The following NEGR1 variants were observed in gnomAD, a reference collection of about 807,000 sequenced individuals.
The protein encoded by NEGR1 is IgLON family member 4.
Under a neutral mutation model 40.9 loss-of-function variants are expected in NEGR1, and 10 were observed. That is an observed-to-expected ratio of 0.24 (90% CI 0.15 to 0.42). The LOEUF (loss-of-function observed/expected upper bound fraction) is 0.42. Among genes scored for constraint, NEGR1 ranks in the 10% least tolerant of loss-of-function variants. NEGR1 has a pLI of 1.00. For synonymous variants in NEGR1, 185 were observed against 166.8 expected (o/e 1.11, Z -0.84); for missense variants, 352 against 438.9 (o/e 0.80, Z 1.77).
At chr1:71,693,161 T>C (rs1191038006) in intron 4 of NEGR1, among the ~76,000 whole-genome samples, 3 of 151,764 alleles carry the variant, frequency 2.0e-5, no homozygotes, top group Non-Finnish European at 4.4e-5. Context: ...TGCTTCTCTC[T>C]GAGTAAAAAC....
At chr1:71,577,581 T>C (rs1169598235) in intron 6 of NEGR1, among the ~76,000 whole-genome samples, 2 of 152,212 alleles carry the variant, frequency 1.3e-5, no homozygotes, top group African/African-American at 2.4e-5. Flanking sequence ...TTAATCTAGC[T>C]ATATACATGC....
In NEGR1 at chr1:72,102,272, C is replaced by G. The variant is rs138225862; in HGVS notation, c.177-166961G>C. 1.9e-3 allele frequency among the ~76,000 whole-genome samples: 291 copies of G among 151,978 alleles called. 5 individuals are homozygous for G. The highest frequency in any genetic ancestry group is 6.6e-3 in the African/African-American group (274 of 41,486). On this transcript the variant is annotated intron_variant, in intron 1 of 6. Transcript: ENST00000357731. Reference sequence around the variant, plus strand: ...TTAAATGATATAGCTGGTATTTTATCCAACCCCCCCATAATTCAATTATAC... The same window carrying G: ...TTAAATGATATAGCTGGTATTTTATGCAACCCCCCCATAATTCAATTATAC...
At chr1:71,669,090 A>G (rs184372238) in intron 4 of NEGR1, among the ~76,000 whole-genome samples, 43 of 152,300 alleles carry the variant, frequency 2.8e-4, no homozygotes, top group African/African-American at 9.9e-4. Flanking sequence ...GTAGATTTAG[A>G]ATTTTTATAT....
Position 71,611,087 on chromosome 1 carries a change from T to A in NEGR1, c.727A>T (p.Ile243Leu). Residue 243 changes from isoleucine (I) to leucine (L), a missense_variant, in exon 5 of 7, where the codon ATA becomes TTA. By Grantham distance (5) the Ile-to-Leu change is conservative. Around this residue, in one of 5 missense-constraint regions of NEGR1, gnomAD observed 184 missense variants for 208.7 expected, o/e 0.88. Transcript: ENST00000357731. ...GGCACACCTGCACCTTCACATCTTA[T>A]CAGGCCACTGCGTCCGGGGGTCACG... ...GTVTPGRSGL[I>L]RCEGAGVPPP... is the part of the protein sequence containing the mutation. The A allele has an allele frequency of 6.2e-7, 1 of 1,613,944 alleles. No individual in the cohort carries two copies. The highest frequency in any genetic ancestry group is 8.5e-7 in the Non-Finnish European group (1 of 1,179,882).
intron 1 of NEGR1, among the ~76,000 whole-genome samples, chr1:71,938,668 A>G (rs1458520083): frequency 1.3e-5 from 2 of 152,064 alleles, no homozygotes; most frequent in African/African-American, 4.8e-5. Context: ...TTTGGGTACC[A>G]ACATTTTTTT....
At chr1:72,032,286 A>G (rs1336346762) in intron 1 of NEGR1, among the ~76,000 whole-genome samples, 1 of 152,178 alleles carries the variant, frequency 6.6e-6, no homozygotes, top group Non-Finnish European at 1.5e-5. Context: ...GTGCAAATGG[A>G]GAAGACAGGA....
chr1:71,508,627 C>T (rs1456388998), intron 6 of NEGR1, among the ~76,000 whole-genome samples: 1 of 152,144 alleles, frequency 6.6e-6, no homozygotes, highest in Non-Finnish European at 1.5e-5. Flanking sequence ...CTCTGGCAGG[C>T]AGATAAATAT....
In NEGR1 at chr1:72,117,743, G is replaced by A. The variant is rs561446783; in HGVS notation, c.176+164576C>T. On this transcript the variant is annotated intron_variant, in intron 1 of 6. Transcript: ENST00000357731. Reference sequence around the variant, plus strand: ...TCTTTTTGGTTTGTAGGCAGAATGCGTCTGGGGGTGGACACCTGCTAGTTT... The same window carrying A: ...TCTTTTTGGTTTGTAGGCAGAATGCATCTGGGGGTGGACACCTGCTAGTTT... Among the ~76,000 whole-genome samples, 111 of 151,920 alleles carry A rather than the reference G, an allele frequency of 7.3e-4. 1 individual carries two copies. In the Middle Eastern group the frequency reaches 0.01, roughly 14 times the overall value.
At chr1:71,680,238 T>C (rs1652792539) in intron 4 of NEGR1, among the ~76,000 whole-genome samples, 1 of 152,080 alleles carries the variant, frequency 6.6e-6, no homozygotes. Flanking sequence ...TATAAGAACA[T>C]CTGAGCTTTA....
intron 1 of NEGR1, among the ~76,000 whole-genome samples, chr1:72,124,068 G>T (rs12065852): frequency 0.011 from 1,729 of 152,068 alleles, 27 homozygotes; most frequent in African/African-American, 0.04. Flanking sequence ...AATTGAAAGG[G>T]ATTGAAAACA....
intron 1 of NEGR1, among the ~76,000 whole-genome samples, chr1:72,067,700 G>T (rs1450470842): frequency 1.3e-5 from 2 of 151,930 alleles, no homozygotes; most frequent in East Asian, 3.9e-4. Context: ...GATTTGAAGA[G>T]ATTTAACATA....
chr1:71,947,373 T>C (rs1646031166), intron 1 of NEGR1, among the ~76,000 whole-genome samples: 1 of 151,966 alleles, frequency 6.6e-6, no homozygotes, highest in Non-Finnish European at 1.5e-5. Flanking sequence ...AGAAAATCTG[T>C]TTTCATAAAT....
intron 2 of NEGR1, among the ~76,000 whole-genome samples, chr1:71,816,561 A>G (rs1260164233): frequency 1.3e-5 from 2 of 152,012 alleles, no homozygotes; most frequent in Non-Finnish European, 2.9e-5. Context: ...ATTTACTATC[A>G]TGAGAACAGC....
chr1:71,408,337 A>C (rs904004230), intron 6 of NEGR1, among the ~76,000 whole-genome samples: 1 of 152,072 alleles, frequency 6.6e-6, no homozygotes, highest in Non-Finnish European at 1.5e-5. Context: ...AATGACCTCT[A>C]CTGTAATGAA....
intron 1 of NEGR1, among the ~76,000 whole-genome samples, chr1:72,112,905 T>C (rs1232882434): frequency 6.6e-6 from 1 of 151,688 alleles, no homozygotes; most frequent in Non-Finnish European, 1.5e-5. Context: ...CAAGCATTGC[T>C]TTTTATTTTT....
At chr1:71,500,350 C>A (rs1638425354) in intron 6 of NEGR1, among the ~76,000 whole-genome samples, 1 of 151,910 alleles carries the variant, frequency 6.6e-6, no homozygotes, top group East Asian at 1.9e-4. Context: ...TAATCACTTT[C>A]TTTATTTTAT....
intron 1 of NEGR1, among the ~76,000 whole-genome samples, chr1:72,130,752 T>G (rs1405806965): frequency 6.6e-6 from 1 of 152,156 alleles, no homozygotes; most frequent in East Asian, 1.9e-4. Flanking sequence ...ACGCAAAATA[T>G]CCCTAAATTC....
chr1:71,827,826 T>C (rs554624329), intron 2 of NEGR1, among the ~76,000 whole-genome samples: 1 of 152,012 alleles, frequency 6.6e-6, no homozygotes, highest in South Asian at 2.1e-4. Flanking sequence ...AAGGTTTTTT[T>C]CTTTATCCCA....
At chr1:71,654,459 A>C (rs1438299138) in intron 4 of NEGR1, among the ~76,000 whole-genome samples, 2 of 152,190 alleles carry the variant, frequency 1.3e-5, no homozygotes, top group Admixed American at 1.3e-4. Context: ...GACTCTGTAT[A>C]CTTCTTGCAC....
Sources: allele counts gnomAD v4.1 joint callset (sites outside exome capture counted in the v4.1 genomes callset), GRCh38; gene constraint gnomAD v4.1.1; regional missense constraint gnomAD v4.1.1; transcripts MANE v1.5; gene names NCBI Gene and HGNC (gene_info 2026-07-23, HGNC 2026-07-21).